The following SLC7A5 variants were observed in gnomAD, a reference collection of about 807,000 sequenced individuals.
The protein encoded by SLC7A5 is large neutral amino acids transporter small subunit 1.
A neutral mutation model predicts 50.2 loss-of-function variants in SLC7A5; 23 were observed. That is an observed-to-expected ratio of 0.46 (90% CI 0.33 to 0.65). The LOEUF (loss-of-function observed/expected upper bound fraction) is 0.65, where lower values mean the gene tolerates loss of function less well. SLC7A5 is among the 30% of genes least tolerant of loss of function. The pLI, the probability that SLC7A5 is intolerant of heterozygous loss-of-function variation, is 0.02. For synonymous variants in SLC7A5, 393 were observed against 330.6 expected (o/e 1.19, Z -2.05); for missense variants, 578 against 684.4 (o/e 0.84, Z 1.73).
chr16:87,836,775 G>T, intron 7 of SLC7A5, 128 bp from the exon 8 acceptor site: 1 of 821,990 alleles, frequency 1.2e-6, no homozygotes, highest in South Asian at 1.4e-5. Context: ...TGTTTTAAAG[G>T]AGAAACCTCA....
rs33924203 is a variant in SLC7A5 at position 87,836,686 on chromosome 16, C to T, written c.1141-39G>A. ...GCGGCTGGCTGAGCCCTGGGGCCCACGAGCAGGGCTGTGGACGGCCGTGGT... is the reference window on the plus strand; with the variant it reads ...GCGGCTGGCTGAGCCCTGGGGCCCATGAGCAGGGCTGTGGACGGCCGTGGT... On this transcript the variant is annotated intron_variant, in intron 7 of 9. Coordinates refer to ENST00000261622, the MANE Select transcript of SLC7A5 (RefSeq NM_003486.7). 5,457 of 1,606,756 alleles carry T rather than the reference C, an allele frequency of 3.4e-3. 120 individuals are homozygous for T. The African/African-American group carries it at 0.063, about 18-fold the overall frequency.
At chr16:87,839,670 C>A in intron 5 of SLC7A5, 32 bp downstream of exon 5, 1 of 1,612,050 alleles carries the variant, frequency 6.2e-7, no homozygotes. Flanking sequence ...GCCTCTCAGG[C>A]CCCTGGTGGA....
chr16:87,852,534 G>A lies in SLC7A5; in HGVS notation c.539-685C>T, dbSNP rs1330430974. Among the ~76,000 whole-genome samples, 2 of 152,240 alleles carry A rather than the reference G, an allele frequency of 1.3e-5. No individual in the cohort carries two copies. The highest frequency in any genetic ancestry group is 2.1e-4 in the South Asian group (1 of 4,828). On this transcript the variant is annotated intron_variant, in intron 1 of 9. Transcript: ENST00000261622. This position sits in a 1 kb window ranked among gnomAD's most constrained non-coding sequence, Gnocchi z 4.5. The stretch of plus-strand genomic sequence containing the variant: ...GTGACCCCACACAGATGGCCAGAAC[G>A]CCTGCCCCAGGAGGCGCTGAGATGT...
At chr16:87,854,822 G>A (rs190800201) in intron 1 of SLC7A5, among the ~76,000 whole-genome samples, 2 of 152,246 alleles carry the variant, frequency 1.3e-5, no homozygotes, top group Non-Finnish European at 2.9e-5. Context: ...CACCTGGCTG[G>A]CTGGCAGGGG....
chr16:87,868,003 G>C (rs1360154428), intron 1 of SLC7A5, among the ~76,000 whole-genome samples: 2 of 151,378 alleles, frequency 1.3e-5, no homozygotes, highest in Non-Finnish European at 2.9e-5. Context: ...TGTAGTCCCA[G>C]CTACTCGGGA....
rs1436763821 is a variant in SLC7A5 at position 87,831,620 on chromosome 16, G to A, written c.*1350C>T. On this transcript the variant is annotated 3_prime_UTR_variant, in exon 10 of 10. Coordinates refer to ENST00000261622, the MANE Select transcript of SLC7A5 (RefSeq NM_003486.7). ...TCTGGCTGGGGAGAAGGGAAGCCCG[G>A]GGCCTGAGAAGGCAGAGCCCCCCGA... 6.6e-6 allele frequency: 1 copy of A among 152,254 alleles called. No individual in the cohort carries two copies. The highest frequency in any genetic ancestry group is 1.5e-5 in the Non-Finnish European group (1 of 68,134). 9.4% of individuals were successfully genotyped at this position (152,254 alleles called of 1,614,324 possible). A position where few individuals can be genotyped will look rare whatever the true frequency, so the allele number is the denominator to read the frequency against.
intron 1 of SLC7A5, among the ~76,000 whole-genome samples, chr16:87,855,071 G>A (rs1273808372): frequency 6.6e-6 from 1 of 152,238 alleles, no homozygotes; most frequent in African/African-American, 2.4e-5. Context: ...CCAAGCTGTG[G>A]TCCTGGTCCT....
At chr16:87,840,330 T>A in intron 4 of SLC7A5, 99 bp downstream of exon 4, 1 of 1,109,322 alleles carries the variant, frequency 9.0e-7, no homozygotes, top group South Asian at 1.2e-5. Context: ...GACTGTGAAC[T>A]GGCCTGAGCC....
At chr16:87,839,462 A>G (rs1232184577) in intron 5 of SLC7A5, among the ~76,000 whole-genome samples, 1 of 151,722 alleles carries the variant, frequency 6.6e-6, no homozygotes, top group Non-Finnish European at 1.5e-5. Flanking sequence ...CAGATTTTAA[A>G]CCCTTCTCCC....
chr16:87,836,096 G>A (rs2054999423), intron 8 of SLC7A5, among the ~76,000 whole-genome samples: 1 of 152,222 alleles, frequency 6.6e-6, no homozygotes, highest in African/African-American at 2.4e-5. Context: ...GAGTCCAGCT[G>A]GGCCCAGGCG....
chr16:87,839,287 G>A (rs894441676), intron 5 of SLC7A5, among the ~76,000 whole-genome samples: 1 of 152,138 alleles, frequency 6.6e-6, no homozygotes, highest in Admixed American at 6.5e-5. Flanking sequence ...CGGTGACACC[G>A]CCCGGGCCTG....
chr16:87,853,296 C>T lies in SLC7A5; in HGVS notation c.539-1447G>A, dbSNP rs550489200. On this transcript the variant is annotated intron_variant, in intron 1 of 9. Transcript: ENST00000261622. The surrounding 1 kb of genome is among the most constrained non-coding windows in gnomAD (Gnocchi z 4.4). Reference sequence around the variant, plus strand: ...CGTCCTGAGGTGCGGGACGGGCTGCCGCCTGCCTATCTCTCAGAAATTAAC... The same window carrying T: ...CGTCCTGAGGTGCGGGACGGGCTGCTGCCTGCCTATCTCTCAGAAATTAAC... 6.5e-4 allele frequency among the ~76,000 whole-genome samples: 99 copies of T among 152,358 alleles called. No individual in the cohort carries two copies. Among genetic ancestry groups the T allele is most frequent in the Middle Eastern group, 6.8e-3 (2 of 294 alleles).
intron 1 of SLC7A5, among the ~76,000 whole-genome samples, chr16:87,867,166 C>A (rs1007951838): frequency 1.4e-4 from 22 of 152,234 alleles, no homozygotes; most frequent in African/African-American, 4.8e-4. Context: ...TAGATCCGCC[C>A]GTCTCGGCCT....
At chr16:87,848,760 C>A (rs1045365364) in intron 2 of SLC7A5, among the ~76,000 whole-genome samples, 1 of 152,252 alleles carries the variant, frequency 6.6e-6, no homozygotes, top group Non-Finnish European at 1.5e-5. Context: ...CTCCCATTCA[C>A]GTGCCTATGG....
intron 1 of SLC7A5, among the ~76,000 whole-genome samples, chr16:87,863,371 G>A (rs1407741271): frequency 6.6e-6 from 1 of 152,166 alleles, no homozygotes; most frequent in Non-Finnish European, 1.5e-5. Flanking sequence ...AGAGCCAGCT[G>A]GGGCCCAGGG....
chr16:87,838,610 A>G lies in SLC7A5; in HGVS notation c.1043+104T>C, dbSNP rs1349567714. 3 of 900,844 alleles carry G rather than the reference A, an allele frequency of 3.3e-6. No homozygotes were observed. The African/African-American group carries it at 4.9e-5, about 15-fold the overall frequency. The allele number at this position is 900,844 out of a possible 1,614,324, so 55.8% of individuals were successfully genotyped here. A position where few individuals can be genotyped will look rare whatever the true frequency, so the allele number is the denominator to read the frequency against. On this transcript the variant is annotated intron_variant, in intron 6 of 9. Coordinates refer to ENST00000261622, the MANE Select transcript of SLC7A5 (RefSeq NM_003486.7). ...GCCTGGCCTATTTGAGCAATTATGC[A>G]TCCCCAGTATCACAGAGACAAACCT...
At chr16:87,857,051 C>G (rs2055330503) in intron 1 of SLC7A5, among the ~76,000 whole-genome samples, 1 of 152,204 alleles carries the variant, frequency 6.6e-6, no homozygotes, top group Non-Finnish European at 1.5e-5. Context: ...GACCCCTGTC[C>G]TCACCCAAGG....
At chr16:87,842,843 G>A (rs1232582855) in intron 2 of SLC7A5, among the ~76,000 whole-genome samples, 1 of 147,522 alleles carries the variant, frequency 6.8e-6, no homozygotes, top group Non-Finnish European at 1.5e-5. Context: ...AGCAGCTCAG[G>A]ACAGGGCACT....
At chr16:87,863,202 C>T (rs1354865772) in intron 1 of SLC7A5, among the ~76,000 whole-genome samples, 3 of 152,166 alleles carry the variant, frequency 2.0e-5, no homozygotes, top group Admixed American at 6.5e-5. Context: ...GTGAGCCCAT[C>T]GGGCCCTTCT....
Sources: gnomAD v4.1 joint callset for allele counts (sites outside exome capture counted in the v4.1 genomes callset) on GRCh38, gnomAD v4.1.1 for gene constraint, Gnocchi (gnomAD v3.1) non-coding constraint, MANE v1.5 for transcripts, NCBI Gene and HGNC (gene_info 2026-07-23, HGNC 2026-07-21) for gene names.